Variants in PIP5KL1 observed in about 807,000 individuals in gnomAD.
PIP5KL1 encodes the protein phosphatidylinositol 4-phosphate 5-kinase-like protein 1.
A neutral mutation model predicts 47.6 loss-of-function variants in PIP5KL1; 45 were observed. The observed-to-expected ratio is 0.94, with a 90% CI of 0.74 to 1.21. The LOEUF (loss-of-function observed/expected upper bound fraction) is 1.21. PIP5KL1 is among the 50% of genes most tolerant of loss of function. The pLI is 0.00. For missense variants in PIP5KL1, 577 were observed against 547.6 expected (o/e 1.05, Z -0.54); for synonymous variants, 256 against 234.6 (o/e 1.09, Z -0.84).
chr9:127,929,872 G>A lies in PIP5KL1; in HGVS notation c.44C>T (p.Ser15Phe), dbSNP rs780910857. Reference protein sequence around the residue: ...SPGPREVLAPSPEAGCRAVTS... With the variant: ...SPGPREVLAPFPEAGCRAVTS... ...GACTGCTCTGCATCCAGCCTCAGGG[G>A]AGGGGGCCAGGACCTGGTGGGAGGA... The change falls in exon 2 of 10, where the codon TCC becomes TTC. Residue 15 changes from serine to phenylalanine, a missense_variant. Physicochemically the swap from Ser to Phe is radical, Grantham distance 155. Transcript: ENST00000388747. This position sits in a 1 kb window ranked among gnomAD's most constrained non-coding sequence, Gnocchi z 4.0. The A allele has an allele frequency of 1.2e-5, 19 of 1,535,550 alleles. No homozygotes were observed. In the South Asian group the frequency reaches 1.9e-4, roughly 15 times the overall value.
chr9:127,929,855 T>C lies in PIP5KL1; in HGVS notation c.61A>G (p.Arg21Gly). The C allele has an allele frequency of 1.3e-6, 2 of 1,542,298 alleles. No individual in the cohort carries two copies. The highest frequency in any genetic ancestry group is 1.7e-6 in the Non-Finnish European group (2 of 1,144,558). Residue 21 changes from arginine (R) to glycine (G), a missense_variant, in exon 2 of 10, where the codon AGA becomes GGA. By Grantham distance (125) the Arg-to-Gly change is moderately radical (BLOSUM62 -2). Coordinates refer to ENST00000388747, the MANE Select transcript of PIP5KL1 (RefSeq NM_001135219.2). The surrounding 1 kb of genome is among the most constrained non-coding windows in gnomAD (Gnocchi z 4.0). ...VLAPSPEAGC[R>G]AVTSSRRGLL... ...CCCCGCCGGCTGGAGGTGACTGCTC[T>C]GCATCCAGCCTCAGGGGAGGGGGCC... is the stretch of plus-strand genomic sequence containing the variant.
chr9:127,930,613 G>A (rs1419582564), intron 1 of PIP5KL1, 110 bp downstream of exon 1: 45 of 1,306,672 alleles, frequency 3.4e-5, no homozygotes, highest in Non-Finnish European at 4.4e-5. Flanking sequence ...CCGGCTGCAG[G>A]GCCCCTCCCA....
At chr9:127,925,741 G>T in intron 8 of PIP5KL1, 126 bp downstream of exon 8, 1 of 793,204 alleles carries the variant, frequency 1.3e-6, no homozygotes, top group Non-Finnish European at 2.1e-6. Flanking sequence ...TGGAATTACA[G>T]GCGTGAGCCA....
At position 127,921,765 on chromosome 9, in the gene PIP5KL1, G is replaced by A; in HGVS notation, c.*82C>T. ...CTGGCGACCATCAGGAGGAAGCGCAGGCGAGATGCCCGGGCCCGGGGGAAC... is the reference window on the plus strand; with the variant it reads ...CTGGCGACCATCAGGAGGAAGCGCAAGCGAGATGCCCGGGCCCGGGGGAAC... On this transcript the variant is annotated 3_prime_UTR_variant, in exon 10 of 10. Transcript: ENST00000388747. 3 of 1,468,448 alleles carry A rather than the reference G, an allele frequency of 2.0e-6. No individual in the cohort carries two copies. Among genetic ancestry groups the A allele is most frequent in the Non-Finnish European group, 2.7e-6 (3 of 1,108,466 alleles). The allele number at this position is 1,468,448 out of a possible 1,614,324, so 91.0% of individuals were successfully genotyped here. A position where few individuals can be genotyped will look rare whatever the true frequency, so the allele number is the denominator to read the frequency against.
In PIP5KL1 at chr9:127,929,892, G is replaced by A. The variant is rs1207745469; in HGVS notation, c.31-7C>T. ...CAGGGGAGGGGGCCAGGACCTGGTGGGAGGAGGCACAGGACACAGCCTGTG... is the reference window on the plus strand; with the variant it reads ...CAGGGGAGGGGGCCAGGACCTGGTGAGAGGAGGCACAGGACACAGCCTGTG... On this transcript the variant is annotated splice_region_variant and splice_polypyrimidine_tract_variant and intron_variant, in intron 1 of 9. Coordinates refer to ENST00000388747, the MANE Select transcript of PIP5KL1 (RefSeq NM_001135219.2). This position sits in a 1 kb window ranked among gnomAD's most constrained non-coding sequence, Gnocchi z 4.0. 6.6e-7 allele frequency: 1 copy of A among 1,520,412 alleles called. No individual in the cohort carries two copies. The highest frequency in any genetic ancestry group is 8.8e-7 in the Non-Finnish European group (1 of 1,132,668). The allele number at this position is 1,520,412 out of a possible 1,614,324, so 94.2% of individuals were successfully genotyped here.
rs1831387154 is a variant in PIP5KL1 at position 127,927,913 on chromosome 9, C to T, written c.435-141G>A. The T allele has an allele frequency of 1.4e-6, 2 of 1,466,070 alleles. No individual in the cohort carries two copies. The highest frequency in any genetic ancestry group is 5.0e-5 in the East Asian group (2 of 39,792). The allele number at this position is 1,466,070 out of a possible 1,614,324, so 90.8% of individuals were successfully genotyped here. On this transcript the variant is annotated intron_variant, in intron 4 of 9. Coordinates refer to ENST00000388747, the MANE Select transcript of PIP5KL1 (RefSeq NM_001135219.2). The surrounding 1 kb of genome is among the most constrained non-coding windows in gnomAD (Gnocchi z 5.5). ...TCGCCTTCGGCCCTCGCCCTCCTCT[C>T]CTCCCCGATCTGTCCACCATCCGGC...
chr9:127,925,311 G>A lies in PIP5KL1; in HGVS notation c.764-51C>T, dbSNP rs372559147. On this transcript the variant is annotated intron_variant, in intron 8 of 9. Coordinates refer to ENST00000388747, the MANE Select transcript of PIP5KL1 (RefSeq NM_001135219.2). ...TGAGCGCTCATCATGTGCCAGCCACGGTGCTCCACACACTCTGCCCCGTGA... is the reference window on the plus strand; with the variant it reads ...TGAGCGCTCATCATGTGCCAGCCACAGTGCTCCACACACTCTGCCCCGTGA... The A allele has an allele frequency of 2.2e-4, 353 of 1,593,172 alleles. 1 individual carries two copies. Among genetic ancestry groups the A allele is most frequent in the African/African-American group, 7.9e-4 (59 of 74,832 alleles).
intron 8 of PIP5KL1, 104 bp downstream of exon 8, chr9:127,925,763 C>T (rs1588684188): frequency 1.1e-5 from 11 of 1,030,422 alleles, no homozygotes; most frequent in Admixed American, 5.2e-5. Flanking sequence ...GGCGCCCGGC[C>T]GAATCTGGGC....
Position 127,927,350 on chromosome 9 carries a change from C to A in PIP5KL1, c.560-19G>T. 1 of 1,601,200 alleles carries A rather than the reference C, an allele frequency of 6.2e-7. No individual in the cohort carries two copies. Among genetic ancestry groups the A allele is most frequent in the Non-Finnish European group, 8.5e-7 (1 of 1,176,324 alleles). Reference sequence around the variant, plus strand: ...TGCACTCCTGGAAGGGGAGAGGGCGCCGGATGAGGATCCCCAAACTCCACA... The same window carrying A: ...TGCACTCCTGGAAGGGGAGAGGGCGACGGATGAGGATCCCCAAACTCCACA... On this transcript the variant is annotated intron_variant, in intron 5 of 9. Coordinates refer to ENST00000388747, the MANE Select transcript of PIP5KL1 (RefSeq NM_001135219.2). The surrounding 1 kb of genome is among the most constrained non-coding windows in gnomAD (Gnocchi z 5.5).
At position 127,927,196 on chromosome 9, in the gene PIP5KL1, C is replaced by T. The variant is rs1420365909; in HGVS notation, c.607G>A (p.Val203Ile). 1 of 1,613,140 alleles carries T rather than the reference C, an allele frequency of 6.2e-7. No homozygotes were observed. Among genetic ancestry groups the T allele is most frequent in the African/African-American group, 1.3e-5 (1 of 75,038 alleles). The change falls in exon 7 of 10, where the codon GTC becomes ATC. Residue 203 changes from valine to isoleucine, a missense_variant. Coordinates refer to ENST00000388747, the MANE Select transcript of PIP5KL1 (RefSeq NM_001135219.2). This position sits in a 1 kb window ranked among gnomAD's most constrained non-coding sequence, Gnocchi z 5.5. ...GCGGGGTAGAAGACGCTCTGCATGA[C>T]GATGAAGTACGTCTGGGGGCCGGGA... ...VDRGKKTYFIVMQSVFYPAGR... is the reference protein window; with the variant it reads ...VDRGKKTYFIIMQSVFYPAGR...
chr9:127,925,116 C>A lies in PIP5KL1; in HGVS notation c.908G>T (p.Arg303Leu). The change falls in exon 9 of 10, where the codon CGC (arginine) becomes CTC (leucine). Residue 303 changes from arginine to leucine, a missense_variant. Transcript: ENST00000388747. Reference sequence around the variant, plus strand: ...CCTGTGGGAGGCTCACCTGGCCGTGCGGAAGATGAGGCTGCTGCCCGGGCC... The same window carrying A: ...CCTGTGGGAGGCTCACCTGGCCGTGAGGAAGATGAGGCTGCTGCCCGGGCC... Reference protein sequence around the residue: ...ERGPGSSLIFRTARSVQGAQS... With the variant: ...ERGPGSSLIFLTARSVQGAQS... The A allele has an allele frequency of 1.2e-6, 2 of 1,613,796 alleles. No homozygotes were observed. Among genetic ancestry groups the A allele is most frequent in the Non-Finnish European group, 1.7e-6 (2 of 1,179,854 alleles).
intron 9 of PIP5KL1, among the ~76,000 whole-genome samples, chr9:127,922,953 G>T (rs1831310101): frequency 6.6e-6 from 1 of 152,174 alleles, no homozygotes; most frequent in African/African-American, 2.4e-5. Flanking sequence ...GCGTCACACA[G>T]ACCCTGGAAT....
Position 127,922,039 on chromosome 9 carries a change from G to A in PIP5KL1, c.993C>T (p.Ala331=), listed in dbSNP as rs1464368212. ...GCTCGGGCCCGTCCAGGATGTGTAGGGCGTTGGGGGCGTCGGGCAGCAGCC... is the reference window on the plus strand; with the variant it reads ...GCTCGGGCCCGTCCAGGATGTGTAGAGCGTTGGGGGCGTCGGGCAGCAGCC... The part of the protein sequence containing the change: ...NRRLLPDAPN[A]LHILDGPEQR... Residue 331 remains alanine (A), a synonymous_variant, in exon 10 of 10, where the codon GCC becomes GCT. Coordinates refer to ENST00000388747, the MANE Select transcript of PIP5KL1 (RefSeq NM_001135219.2). 3 of 1,568,730 alleles carry A rather than the reference G, an allele frequency of 1.9e-6. No individual in the cohort carries two copies. In the African/African-American group the frequency reaches 4.1e-5, roughly 21 times the overall value.
In PIP5KL1 at chr9:127,924,505, A is replaced by T. The variant is rs569756404; in HGVS notation, c.917+602T>A. On this transcript the variant is annotated intron_variant, in intron 9 of 9. Transcript: ENST00000388747. ...GACTCCATCTCAAAAAAAAAAAAAA[A>T]AATTAGCCAGGCATGGTGGGGATGC... is the stretch of plus-strand genomic sequence containing the variant. 9.0e-4 allele frequency among the ~76,000 whole-genome samples: 136 copies of T among 151,376 alleles called. 1 individual carries two copies. Among genetic ancestry groups the T allele is most frequent in the Non-Finnish European group, 1.7e-3 (116 of 67,842 alleles).
rs75723993 is a variant in PIP5KL1 at position 127,929,203 on chromosome 9, G to A, written c.228+485C>T. On this transcript the variant is annotated intron_variant, in intron 2 of 9. Transcript: ENST00000388747. The surrounding 1 kb of genome is among the most constrained non-coding windows in gnomAD (Gnocchi z 4.0). ...GGTCTGTGGAATGTGGTCCCACTGC[G>A]CACACATGCACACACACGAACACCA... 6.6e-3 allele frequency among the ~76,000 whole-genome samples: 1,009 copies of A among 152,198 alleles called. 47 individuals are homozygous for A. The East Asian group carries it at 0.1, about 15-fold the overall frequency.
chr9:127,930,738 G>A lies in PIP5KL1; in HGVS notation c.15C>T (p.Ser5=), dbSNP rs1215400124. 7 of 1,563,082 alleles carry A rather than the reference G, an allele frequency of 4.5e-6. No homozygotes were observed. Among genetic ancestry groups the A allele is most frequent in the Admixed American group, 1.8e-5 (1 of 55,438 alleles). ...CCGCACCTACCTCGCGGGGCCCCGG[G>A]CTCGGCGCAGCCATCGCCCCCGCAG... MAAP[S]PGPREVLAPS... Residue 5 remains serine, a synonymous_variant, in exon 1 of 10, where the codon AGC becomes AGT. Coordinates refer to ENST00000388747, the MANE Select transcript of PIP5KL1 (RefSeq NM_001135219.2).
chr9:127,924,528 T>A (rs1831331994), intron 9 of PIP5KL1, among the ~76,000 whole-genome samples: 1 of 149,820 alleles, frequency 6.7e-6, no homozygotes, highest in African/African-American at 2.5e-5. Context: ...ATGGTGGGGA[T>A]GCCTGTAATC....
chr9:127,922,159 C>A, intron 9 of PIP5KL1, 45 bp from the exon 10 acceptor site: 1 of 1,450,196 alleles, frequency 6.9e-7, no homozygotes, highest in South Asian at 1.4e-5. Flanking sequence ...CTCCAGGAAG[C>A]CCCAGCCAGT....
At chr9:127,930,502 T>C (rs981705921) in intron 1 of PIP5KL1, among the ~76,000 whole-genome samples, 2 of 152,200 alleles carry the variant, frequency 1.3e-5, no homozygotes, top group Non-Finnish European at 2.9e-5. Context: ...TAGCATCCTC[T>C]CCATTTTCCC....
Sources: gnomAD v4.1 joint callset for allele counts (sites outside exome capture counted in the v4.1 genomes callset) on GRCh38, gnomAD v4.1.1 for gene constraint, Gnocchi (gnomAD v3.1) non-coding constraint, MANE v1.5 for transcripts, NCBI Gene and HGNC (gene_info 2026-07-23, HGNC 2026-07-21) for gene names.